Variants in STK39 observed in about 807,000 individuals in gnomAD.
STK39 encodes serine/threonine kinase 39, also known as STE20/SPS1-related proline-alanine-rich protein kinase.
A neutral mutation model predicts 77.8 loss-of-function variants in STK39; 20 were observed. The ratio of observed to expected loss-of-function variants is 0.26; its 90% CI spans 0.18 to 0.37. STK39 has a LOEUF of 0.37. Among genes scored for constraint, STK39 ranks in the 10% least tolerant of loss-of-function variants. STK39 has a pLI of 1.00. For synonymous variants in STK39, 246 were observed against 234.1 expected, an observed-to-expected ratio of 1.05 and a Z score of -0.47; for missense variants, 479 against 656.5, an observed-to-expected ratio of 0.73 and a Z score of 2.95.
intron 1 of STK39, among the ~76,000 whole-genome samples, chr2:168,230,967 A>C (rs1448092785): frequency 6.6e-6 from 1 of 152,126 alleles, no homozygotes; most frequent in African/African-American, 2.4e-5. Flanking sequence ...ACCTGACTAC[A>C]GAATCCCACC....
intron 14 of STK39, among the ~76,000 whole-genome samples, chr2:168,034,373 CTTTG>C (rs1684899799): frequency 6.6e-6 from 1 of 152,148 alleles, no homozygotes; most frequent in Non-Finnish European, 1.5e-5. Context: ...AAAGTAATGG[CTTTG>C]TTTGGTGAAA....
At chr2:167,994,622 G>A (rs1264263612) in intron 16 of STK39, among the ~76,000 whole-genome samples, 1 of 152,090 alleles carries the variant, frequency 6.6e-6, no homozygotes, top group African/African-American at 2.4e-5. Context: ...CCAGCTCCCA[G>A]CAACCACAAA....
chr2:168,221,597 A>G (rs1690171745), intron 1 of STK39, among the ~76,000 whole-genome samples: 1 of 152,208 alleles, frequency 6.6e-6, no homozygotes, highest in South Asian at 2.1e-4. Flanking sequence ...GTACAACTAT[A>G]TAACATGCTA....
intron 10 of STK39, chr2:168,112,780 G>GT (rs1417359116): frequency 4.7e-4 from 72 of 152,204 alleles, no homozygotes; most frequent in African/African-American, 1.6e-3. Context: ...CATAGAAAAT[G>GT]ATATTTATAC....
At chr2:167,988,938 T>G (rs1171517650) in intron 16 of STK39, among the ~76,000 whole-genome samples, 2 of 152,158 alleles carry the variant, frequency 1.3e-5, no homozygotes, top group African/African-American at 2.4e-5. Flanking sequence ...GACTGAGAGC[T>G]TCAACCAAGA....
intron 1 of STK39, among the ~76,000 whole-genome samples, chr2:168,193,979 G>C (rs1419836018): frequency 6.6e-6 from 1 of 152,226 alleles, no homozygotes; most frequent in Non-Finnish European, 1.5e-5. Context: ...GAGGCCTGAA[G>C]CATGGAAAAG....
intron 10 of STK39, among the ~76,000 whole-genome samples, chr2:168,101,816 T>C (rs148066200): frequency 6.6e-6 from 1 of 152,174 alleles, no homozygotes; most frequent in Non-Finnish European, 1.5e-5. Context: ...AACTCAACTA[T>C]GTAAAATGGG....
rs1363207706 is a variant in STK39, at chr2:168,039,548, C to T, written c.1377-22453G>A. ...CGGAGCTTGCAGTGAGCCGAGATTGCGCCACTGCAGTCCGCAGTCCGACCT... is the reference window on the plus strand; with the variant it reads ...CGGAGCTTGCAGTGAGCCGAGATTGTGCCACTGCAGTCCGCAGTCCGACCT... On this transcript the variant is annotated intron_variant, in intron 14 of 17. Transcript: ENST00000355999. Among the ~76,000 whole-genome samples, 17 of 19,386 alleles carry T rather than the reference C, an allele frequency of 8.8e-4. 6 individuals carry two copies. Among genetic ancestry groups the T allele is most frequent in the African/African-American group, 1.7e-3 (15 of 8,694 alleles). The allele number at this position is 19,386 out of a possible 152,430, so 12.7% of individuals were successfully genotyped here.
intron 1 of STK39, among the ~76,000 whole-genome samples, chr2:168,220,430 G>C (rs1690138376): frequency 6.6e-6 from 1 of 152,154 alleles, no homozygotes. Flanking sequence ...TTTGACCCTA[G>C]CAAATATTTT....
intron 12 of STK39, among the ~76,000 whole-genome samples, chr2:168,073,587 C>A (rs1447350176): frequency 1.3e-5 from 2 of 152,114 alleles, no homozygotes; most frequent in African/African-American, 4.8e-5. Context: ...GGGCTCATCA[C>A]CCCTGCTCCT....
In STK39 at chr2:168,063,522, C is replaced by G. The variant is rs762057185; in HGVS notation, c.1354G>C (p.Val452Leu). The change falls in exon 14 of 18, where the codon GTG (valine) becomes CTG (leucine). Residue 452 changes from valine to leucine, a missense_variant. This residue lies in a region of STK39 where 244 missense variants were observed against 296.8 expected (regional missense o/e 0.82). Coordinates refer to ENST00000355999, the MANE Select transcript of STK39 (RefSeq NM_013233.3). ...TACCTTAATCTCAAAACGAGGTTCACGGCACAAGAAGAAGCTTCTCTGTAG... is the reference window on the plus strand; with the variant it reads ...TACCTTAATCTCAAAACGAGGTTCAGGGCACAAGAAGAAGCTTCTCTGTAG... ...EDYREASSCA[V>L]NLVLRLRNSR... The G allele has an allele frequency of 1.9e-6, 3 of 1,612,744 alleles. No individual in the cohort carries two copies. Among genetic ancestry groups the G allele is most frequent in the Non-Finnish European group, 2.5e-6 (3 of 1,179,256 alleles).
chr2:168,213,043 T>C (rs1053467990), intron 1 of STK39, among the ~76,000 whole-genome samples: 4 of 152,218 alleles, frequency 2.6e-5, no homozygotes, highest in Non-Finnish European at 5.9e-5. Flanking sequence ...TGTCTCCCAG[T>C]GACTCGACCC....
chr2:168,024,442 T>C (rs1684647704), intron 14 of STK39, among the ~76,000 whole-genome samples: 3 of 152,164 alleles, frequency 2.0e-5, no homozygotes, highest in African/African-American at 7.2e-5. Context: ...TAGGGCCTAA[T>C]GAGAGGTGTT....
chr2:168,200,812 TA>T (rs1689594965), intron 1 of STK39, among the ~76,000 whole-genome samples: 6 of 152,278 alleles, frequency 3.9e-5, no homozygotes, highest in Admixed American at 3.9e-4. Flanking sequence ...TTTCAGTTTA[TA>T]AAGAATTATA....
chr2:168,062,718 A>G (rs1685694523), intron 14 of STK39, among the ~76,000 whole-genome samples: 1 of 152,202 alleles, frequency 6.6e-6, no homozygotes, highest in African/African-American at 2.4e-5. Flanking sequence ...TACAACTCAG[A>G]AAATGCCTAG....
chr2:168,189,461 C>T (rs1341036758), intron 1 of STK39, among the ~76,000 whole-genome samples: 1 of 150,060 alleles, frequency 6.7e-6, no homozygotes, highest in Non-Finnish European at 1.5e-5. Flanking sequence ...ACTGAACATG[C>T]AGAAAGTATG....
intron 10 of STK39, among the ~76,000 whole-genome samples, chr2:168,105,519 G>A (rs1686946136): frequency 6.6e-6 from 1 of 152,210 alleles, no homozygotes; most frequent in African/African-American, 2.4e-5. Context: ...TAGGAAGAAA[G>A]GGCCTTGTGA....
intron 14 of STK39, among the ~76,000 whole-genome samples, chr2:168,034,358 A>T (rs970509153): frequency 3.9e-5 from 6 of 152,198 alleles, no homozygotes; most frequent in African/African-American, 1.4e-4. Context: ...CTTATAAATA[A>T]ATTTAAAGTA....
At chr2:167,993,443 T>C (rs916568260) in intron 16 of STK39, among the ~76,000 whole-genome samples, 1 of 152,106 alleles carries the variant, frequency 6.6e-6, no homozygotes. Context: ...TCCCAGCACT[T>C]TGGGAGGTCG....
Sources: gnomAD v4.1 joint callset for allele counts (sites outside exome capture counted in the v4.1 genomes callset) on GRCh38, gnomAD v4.1.1 for gene constraint, gnomAD v4.1.1 regional missense constraint, MANE v1.5 for transcripts, NCBI Gene and HGNC (gene_info 2026-07-23, HGNC 2026-07-21) for gene names.